The following SWT1 variants were observed in gnomAD, a reference collection of about 807,000 sequenced individuals.
SWT1 encodes SWT1 RNA endoribonuclease homolog, also known as transcriptional protein SWT1.
SWT1 carries 33 observed loss-of-function variants against 107.3 expected under a neutral mutation model. That is an observed-to-expected ratio of 0.31 (90% CI 0.23 to 0.41). The LOEUF is 0.41. SWT1 is among the 10% of genes least tolerant of loss of function. The pLI, the probability that SWT1 is intolerant of heterozygous loss-of-function variation, is 1.00. For missense variants in SWT1, 898 were observed against 1,028.9 expected, an observed-to-expected ratio of 0.87 and a Z score of 1.74; for synonymous variants, 345 against 348.3, an observed-to-expected ratio of 0.99 and a Z score of 0.11.
intron 15 of SWT1, among the ~76,000 whole-genome samples, chr1:185,230,293 A>G (rs1009879100): frequency 6.6e-6 from 1 of 152,230 alleles, no homozygotes; most frequent in South Asian, 2.1e-4. Flanking sequence ...GGCCCAAAAC[A>G]ACAGAAATGT....
chr1:185,226,451 C>T (rs1360983366), intron 15 of SWT1, among the ~76,000 whole-genome samples: 1 of 151,982 alleles, frequency 6.6e-6, no homozygotes, highest in Non-Finnish European at 1.5e-5. Flanking sequence ...TATACCAGAG[C>T]GAGGCTGGGC....
chr1:185,260,343 G>A (rs1662934677), intron 16 of SWT1, among the ~76,000 whole-genome samples: 1 of 152,092 alleles, frequency 6.6e-6, no homozygotes, highest in Admixed American at 6.5e-5. Flanking sequence ...CTGGTCAATG[G>A]CTGTGCAGTG....
chr1:185,258,112 ATC>A (rs1571641976), intron 16 of SWT1: 1 of 151,868 alleles, frequency 6.6e-6, no homozygotes, highest in South Asian at 2.1e-4. Context: ...TCTCCTTTTT[ATC>A]TCTCTACTAG....
chr1:185,271,271 G>GT, intron 16 of SWT1, 52 bp from the exon 17 acceptor site: 1 of 977,544 alleles, frequency 1.0e-6, no homozygotes. Context: ...CAAGGTATTG[G>GT]TTTTTTCTGA....
At chr1:185,178,767 T>A (rs1261971625) in intron 5 of SWT1, among the ~76,000 whole-genome samples, 6 of 151,970 alleles carry the variant, frequency 3.9e-5, no homozygotes, top group African/African-American at 1.5e-4. Flanking sequence ...TAAAGATCAG[T>A]GAGATTTAAA....
intron 18 of SWT1, among the ~76,000 whole-genome samples, chr1:185,285,643 C>T (rs1250548843): frequency 6.6e-6 from 1 of 152,116 alleles, no homozygotes; most frequent in Non-Finnish European, 1.5e-5. Flanking sequence ...CCAGTGTTTT[C>T]TTCTAACATT....
chr1:185,206,900 G>T, intron 13 of SWT1, 137 bp downstream of exon 13: 1 of 621,616 alleles, frequency 1.6e-6, no homozygotes, highest in Non-Finnish European at 2.5e-6. Flanking sequence ...ATTTATAAAG[G>T]TATTTGTGGA....
At chr1:185,172,771 A>C (rs1181677087) in intron 4 of SWT1, among the ~76,000 whole-genome samples, 4 of 152,162 alleles carry the variant, frequency 2.6e-5, no homozygotes, top group African/African-American at 9.7e-5. Context: ...GGTATGGGCC[A>C]GCTGCGGTGG....
At chr1:185,190,686 C>A in intron 10 of SWT1, 44 bp downstream of exon 10, 2 of 1,199,056 alleles carry the variant, frequency 1.7e-6, no homozygotes, top group African/African-American at 1.5e-5. Flanking sequence ...AAAAAATAAA[C>A]CAAATAATTT....
intron 18 of SWT1, chr1:185,280,904 G>T: frequency 2.1e-6 from 1 of 478,020 alleles, no homozygotes; most frequent in Non-Finnish European, 4.3e-6. Flanking sequence ...CAGTGTGGTG[G>T]ATCACTTCAG....
chr1:185,265,964 T>G (rs1663341786), intron 16 of SWT1, among the ~76,000 whole-genome samples: 2 of 152,210 alleles, frequency 1.3e-5, no homozygotes, highest in Admixed American at 6.5e-5. Flanking sequence ...AACATTGTCT[T>G]GCCAGAAGGG....
At chr1:185,184,163 A>T (rs1197284060) in intron 7 of SWT1, 80 bp from the exon 8 acceptor site, 1 of 675,172 alleles carries the variant, frequency 1.5e-6, no homozygotes, top group African/African-American at 1.9e-5. Flanking sequence ...TGAATTTTCA[A>T]TGCTTCTGTA....
At chr1:185,215,679 C>T (rs907843389) in intron 14 of SWT1, among the ~76,000 whole-genome samples, 3 of 152,100 alleles carry the variant, frequency 2.0e-5, no homozygotes, top group Non-Finnish European at 2.9e-5. Context: ...GCTGGGTCTA[C>T]AGGCATGGCA....
intron 10 of SWT1, among the ~76,000 whole-genome samples, chr1:185,193,559 C>T (rs1218538955): frequency 2.6e-5 from 4 of 151,830 alleles, no homozygotes; most frequent in East Asian, 1.9e-4. Flanking sequence ...CTCTGCCTCC[C>T]GGATTCAAGC....
Position 185,160,826 on chromosome 1 carries a change from A to G in SWT1, c.-9-7A>G, listed in dbSNP as rs1412029447. 6.3e-7 allele frequency: 1 copy of G among 1,599,194 alleles called. No individual in the cohort carries two copies. Among genetic ancestry groups the G allele is most frequent in the Non-Finnish European group, 8.5e-7 (1 of 1,172,144 alleles). On this transcript the variant is annotated splice_region_variant and splice_polypyrimidine_tract_variant and intron_variant, in intron 1 of 18. Transcript: ENST00000367500. ...AACAAATCCTATATTTTTAATGTTTATGTTAGCTTTTCAGGATGTCCAGCA... is the reference window on the plus strand; with the variant it reads ...AACAAATCCTATATTTTTAATGTTTGTGTTAGCTTTTCAGGATGTCCAGCA...
rs1335410957 is a variant in SWT1, at chr1:185,182,028, A to T, written c.1109A>T (p.Asp370Val). ...GGAGAGTTAATGAGTATGGAAATTG[A>T]CTTAGAAGATGATGTACATTCCTCC... ...LPGELMSMEI[D>V]LEDDVHSSSA... Residue 370 changes from aspartate to valine, a missense_variant, in exon 7 of 19, where the codon GAC (aspartate) becomes GTC (valine). Coordinates refer to ENST00000367500, the MANE Select transcript of SWT1 (RefSeq NM_017673.7). 1.5e-5 allele frequency: 24 copies of T among 1,613,804 alleles called. No individual in the cohort carries two copies. The highest frequency in any genetic ancestry group is 2.0e-5 in the Non-Finnish European group (24 of 1,179,788).
chr1:185,281,176 C>T lies in SWT1; in HGVS notation c.2573+4508C>T, dbSNP rs962696367. The T allele has an allele frequency of 3.9e-5, 9 of 229,726 alleles. No homozygotes were observed. The Admixed American group carries it at 4.0e-4, about 10-fold the overall frequency. 14.2% of individuals were successfully genotyped at this position (229,726 alleles called of 1,614,324 possible). A position where few individuals can be genotyped will look rare whatever the true frequency, so the allele number is the denominator to read the frequency against. Reference sequence around the variant, plus strand: ...ACAGGCCATAAACTTTACAAGAATGCCATTGCCATCAATGAAGTAATGAAA... The same window carrying T: ...ACAGGCCATAAACTTTACAAGAATGTCATTGCCATCAATGAAGTAATGAAA... On this transcript the variant is annotated intron_variant, in intron 18 of 18. Coordinates refer to ENST00000367500, the MANE Select transcript of SWT1 (RefSeq NM_017673.7).
chr1:185,193,918 A>G (rs750466517), intron 10 of SWT1, among the ~76,000 whole-genome samples: 8 of 152,232 alleles, frequency 5.3e-5, no homozygotes, highest in Non-Finnish European at 1.0e-4. Flanking sequence ...TGGTAAAGGC[A>G]TTGATGAATT....
chr1:185,251,959 A>G (rs1236161256), intron 16 of SWT1, among the ~76,000 whole-genome samples: 1 of 148,684 alleles, frequency 6.7e-6, no homozygotes, highest in Non-Finnish European at 1.5e-5. Context: ...CCCACCCCAC[A>G]ACAGTCCCCA....
Sources: gnomAD v4.1 joint callset for allele counts (sites outside exome capture counted in the v4.1 genomes callset) on GRCh38, gnomAD v4.1.1 for gene constraint, MANE v1.5 for transcripts, NCBI Gene and HGNC (gene_info 2026-07-23, HGNC 2026-07-21) for gene names.